SYNPR: variants seen among roughly 807,000 people sequenced by gnomAD.
SYNPR encodes the protein synaptoporin.
In SYNPR, 23 loss-of-function variants were observed where a neutral mutation model predicts 32.9. The ratio of observed to expected loss-of-function variants is 0.70; its 90% CI spans 0.50 to 0.99. The LOEUF (loss-of-function observed/expected upper bound fraction) is 0.99, where lower values mean the gene tolerates loss of function less well. Among genes scored for constraint, SYNPR ranks in the 50% least tolerant of loss-of-function variants. SYNPR has a pLI of 0.00. For synonymous variants in SYNPR, 146 were observed against 135.9 expected (o/e 1.07, Z -0.52); for missense variants, 318 against 349.3 (o/e 0.91, Z 0.71).
chr3:63,243,964 T>C (rs1434882396), intron 1 of SYNPR, among the ~76,000 whole-genome samples: 1 of 152,122 alleles, frequency 6.6e-6, no homozygotes, highest in Non-Finnish European at 1.5e-5. Flanking sequence ...TAGATTCTTA[T>C]ATCAGGGAAA....
intron 3 of SYNPR, among the ~76,000 whole-genome samples, chr3:63,536,633 G>A (rs1030486712): frequency 6.6e-6 from 1 of 152,116 alleles, no homozygotes; most frequent in African/African-American, 2.4e-5. Flanking sequence ...TATCACCTAT[G>A]AGAAGTGAAA....
intron 3 of SYNPR, among the ~76,000 whole-genome samples, chr3:63,269,681 C>T (rs933586952): frequency 1.2e-4 from 19 of 152,010 alleles, no homozygotes; most frequent in Non-Finnish European, 8.8e-5. Context: ...AAATATCTAC[C>T]TACTGCTCTA....
intron 3 of SYNPR, among the ~76,000 whole-genome samples, chr3:63,511,950 G>T (rs1391723558): frequency 6.6e-6 from 1 of 152,202 alleles, no homozygotes; most frequent in East Asian, 1.9e-4. Context: ...CAAAAATGAA[G>T]TTACCCCATA....
At chr3:63,464,566 G>A (rs1029835514) in intron 2 of SYNPR, among the ~76,000 whole-genome samples, 2 of 151,758 alleles carry the variant, frequency 1.3e-5, no homozygotes, top group South Asian at 2.1e-4. Flanking sequence ...CCAACTCAGC[G>A]TAACTTCTCG....
intron 1 of SYNPR, among the ~76,000 whole-genome samples, chr3:63,252,093 A>G (rs546303266): frequency 6.6e-6 from 1 of 152,236 alleles, no homozygotes; most frequent in South Asian, 2.1e-4. Flanking sequence ...ATACTCTGAT[A>G]TAAAAGATCT....
At chr3:63,594,394 G>A (rs1046380314) in intron 4 of SYNPR, among the ~76,000 whole-genome samples, 7 of 152,128 alleles carry the variant, frequency 4.6e-5, no homozygotes, top group Non-Finnish European at 1.5e-5. Context: ...AATGAGTAAT[G>A]CGTGGAATGT....
intron 2 of SYNPR, among the ~76,000 whole-genome samples, chr3:63,292,567 T>C (rs2086750305): frequency 6.6e-6 from 1 of 152,200 alleles, no homozygotes; most frequent in African/African-American, 2.4e-5. Flanking sequence ...CTTTGGGCCT[T>C]TCATATTTAT....
rs188150574 is a variant in SYNPR, at chr3:63,338,802, G to A, written c.84+60060G>A. On this transcript the variant is annotated intron_variant, in intron 2 of 5. Transcript: ENST00000478300. ...CACTATGCTGTTCACAGGTTTCTCC[G>A]AAGCAGGGACATGTTCAGAATCCAG... is the stretch of plus-strand genomic sequence containing the variant. 4.7e-4 allele frequency among the ~76,000 whole-genome samples: 71 copies of A among 152,294 alleles called. 1 individual carries two copies. The highest frequency in any genetic ancestry group is 3.7e-3 in the Admixed American group (56 of 15,296).
chr3:63,613,309 G>A (rs1438557905), intron 5 of SYNPR, among the ~76,000 whole-genome samples: 1 of 151,938 alleles, frequency 6.6e-6, no homozygotes, highest in African/African-American at 2.4e-5. Flanking sequence ...TGGTAAAATG[G>A]TCCTGTATGC....
At chr3:63,567,559 C>G (rs1702812653) in intron 4 of SYNPR, among the ~76,000 whole-genome samples, 1 of 152,158 alleles carries the variant, frequency 6.6e-6, no homozygotes, top group Non-Finnish European at 1.5e-5. Flanking sequence ...GTCTCAGCAG[C>G]TTAAGAATGT....
At chr3:63,505,442 G>A (rs932450476) in intron 3 of SYNPR, among the ~76,000 whole-genome samples, 28 of 152,066 alleles carry the variant, frequency 1.8e-4, no homozygotes, top group Non-Finnish European at 1.5e-4. Context: ...AATATCTTAC[G>A]GGAGAAGCTT....
At chr3:63,498,893 C>T (rs902942620) in intron 3 of SYNPR, among the ~76,000 whole-genome samples, 2 of 149,018 alleles carry the variant, frequency 1.3e-5, no homozygotes, top group African/African-American at 5.0e-5. Flanking sequence ...GCAGGAGGAT[C>T]GCTTGTGCCC....
chr3:63,500,494 C>G (rs960419136), intron 3 of SYNPR, among the ~76,000 whole-genome samples: 15 of 152,058 alleles, frequency 9.9e-5, no homozygotes, highest in African/African-American at 3.6e-4. Context: ...GATTACAGAT[C>G]AAACAAACCA....
intron 2 of SYNPR, chr3:63,452,184 T>C: frequency 1.5e-6 from 1 of 679,670 alleles, no homozygotes; most frequent in East Asian, 2.7e-5. Context: ...GCATTCTATG[T>C]AATACTGAGC....
intron 3 of SYNPR, among the ~76,000 whole-genome samples, chr3:63,272,452 T>G (rs550894724): frequency 6.6e-6 from 1 of 151,886 alleles, no homozygotes; most frequent in African/African-American, 2.4e-5. Flanking sequence ...GGGCTTTGTT[T>G]ACATCACTCA....
chr3:63,331,896 A>G (rs1487826517), intron 2 of SYNPR, among the ~76,000 whole-genome samples: 2 of 152,214 alleles, frequency 1.3e-5, no homozygotes, highest in East Asian at 3.8e-4. Context: ...TGGAAGAGGC[A>G]TAAGTTGATA....
chr3:63,350,414 T>C (rs952819711), intron 2 of SYNPR, among the ~76,000 whole-genome samples: 1 of 152,162 alleles, frequency 6.6e-6, no homozygotes, highest in Non-Finnish European at 1.5e-5. Flanking sequence ...AACAGCTCTG[T>C]CTTCTTCATA....
At chr3:63,364,869 A>G (rs1377136392) in intron 2 of SYNPR, among the ~76,000 whole-genome samples, 1 of 152,204 alleles carries the variant, frequency 6.6e-6, no homozygotes, top group Admixed American at 6.5e-5. Context: ...AACCTCATCA[A>G]TCTAGTAAAT....
intron 2 of SYNPR, among the ~76,000 whole-genome samples, chr3:63,320,688 T>C (rs1455330731): frequency 6.6e-6 from 1 of 152,062 alleles, no homozygotes; most frequent in African/African-American, 2.4e-5. Flanking sequence ...ATTGGGGTAA[T>C]AGAACTCTCA....
Sources: gnomAD v4.1 joint callset for allele counts (sites outside exome capture counted in the v4.1 genomes callset) on GRCh38, gnomAD v4.1.1 for gene constraint, MANE v1.5 for transcripts, NCBI Gene and HGNC (gene_info 2026-07-23, HGNC 2026-07-21) for gene names.